The following KLB variants were observed in gnomAD, a reference collection of about 807,000 sequenced individuals.
KLB encodes the protein klotho beta.
Under a neutral mutation model 88.4 loss-of-function variants are expected in KLB, and 44 were observed. The ratio of observed to expected loss-of-function variants is 0.50; its 90% confidence interval spans 0.39 to 0.64. The LOEUF (loss-of-function observed/expected upper bound fraction) is 0.64, where lower values mean the gene tolerates loss of function less well. Ranked by LOEUF, KLB falls within the 30% of genes least tolerant of loss-of-function variation. The pLI is 0.00. For synonymous variants in KLB, 548 were observed against 513.4 expected, an observed-to-expected ratio of 1.07 and a Z score of -0.91; for missense variants, 1,137 against 1,304.8, an observed-to-expected ratio of 0.87 and a Z score of 1.98.
At chr4:39,412,395 C>T (rs1742872461) in intron 1 of KLB, among the ~76,000 whole-genome samples, 1 of 137,946 alleles carries the variant, frequency 7.2e-6, no homozygotes, top group African/African-American at 2.7e-5. Context: ...CCATTAGTGG[C>T]CCCCCCAAGC....
At chr4:39,443,481 A>G (rs1223994234) in intron 3 of KLB, among the ~76,000 whole-genome samples, 3 of 151,892 alleles carry the variant, frequency 2.0e-5, no homozygotes, top group African/African-American at 7.3e-5. Flanking sequence ...TCGATGGCTC[A>G]CACCTGTAAT....
At chr4:39,426,205 T>C (rs1003842918) in intron 1 of KLB, among the ~76,000 whole-genome samples, 4 of 150,278 alleles carry the variant, frequency 2.7e-5, no homozygotes, top group Non-Finnish European at 5.9e-5. Context: ...TGAGCCGAGA[T>C]TGTGACACTG....
chr4:39,424,868 A>T (rs1237189222), intron 1 of KLB, among the ~76,000 whole-genome samples: 1 of 152,000 alleles, frequency 6.6e-6, no homozygotes, highest in Non-Finnish European at 1.5e-5. Flanking sequence ...ACCTCAAGTG[A>T]TCCACCCGCC....
At chr4:39,436,971 A>G (rs1290939714) in intron 2 of KLB, among the ~76,000 whole-genome samples, 1 of 152,092 alleles carries the variant, frequency 6.6e-6, no homozygotes, top group Non-Finnish European at 1.5e-5. Context: ...CAGCCTCCCA[A>G]AGTGCTGGGA....
intron 3 of KLB, among the ~76,000 whole-genome samples, chr4:39,444,583 T>G (rs1743694239): frequency 2.0e-5 from 3 of 152,224 alleles, no homozygotes; most frequent in African/African-American, 4.8e-5. Context: ...AATTAACCTC[T>G]TAGCAGACTA....
intron 2 of KLB, among the ~76,000 whole-genome samples, chr4:39,437,523 G>T (rs540536004): frequency 6.6e-6 from 1 of 152,316 alleles, no homozygotes; most frequent in South Asian, 2.1e-4. Context: ...GTGGGAGTGG[G>T]GGGATCAGGA....
At chr4:39,423,467 T>C (rs1054109131) in intron 1 of KLB, among the ~76,000 whole-genome samples, 1 of 151,848 alleles carries the variant, frequency 6.6e-6, no homozygotes, top group Non-Finnish European at 1.5e-5. Context: ...TAAAACAATA[T>C]GTCAAATGGT....
rs4008368 is a variant in KLB, at chr4:39,430,409, G to GAAAAAAAAAAAAAAAAAAAA, written c.826-3789_826-3788insAAAAAAAAAAAAAAAAAAAA. Among the ~76,000 whole-genome samples the GAAAAAAAAAAAAAAAAAAAA allele has an allele frequency of 1.5e-5, 2 of 134,058 alleles. 1 individual carries two copies. The allele number at this position is 134,058 out of a possible 152,430, so 87.9% of individuals were successfully genotyped here. A position where few individuals can be genotyped will look rare whatever the true frequency, so the allele number is the denominator to read the frequency against. ...TTATGACTGCTTTTGTTTCTAATTAGAAAAAAAAAAAAGCGGTTCTCAAGA... is the reference window on the plus strand; with the variant it reads ...TTATGACTGCTTTTGTTTCTAATTAGAAAAAAAAAAAAAAAAAAAAAAAAAAAAAAAAGCGGTTCTCAAGA... On this transcript the variant is annotated intron_variant, in intron 1 of 4. Transcript: ENST00000257408.
rs1743849612 is a variant in KLB at position 39,449,835 on chromosome 4, G to C, written c.*1149G>C. The C allele has an allele frequency of 6.6e-6, 1 of 152,240 alleles. No individual in the cohort carries two copies. Among genetic ancestry groups the C allele is most frequent in the South Asian group, 2.1e-4 (1 of 4,828 alleles). The allele number at this position is 152,240 out of a possible 1,614,324, so 9.4% of individuals were successfully genotyped here. A position where few individuals can be genotyped will look rare whatever the true frequency, so the allele number is the denominator to read the frequency against. On this transcript the variant is annotated 3_prime_UTR_variant, in exon 5 of 5. Transcript: ENST00000257408. ...AGCTACTCAGGAGGCCGAGGCAGGA[G>C]AATCGCTTGAACCCGAGAGGCAGAG...
rs189589392 is a variant in KLB, at chr4:39,413,100, C to T, written c.825+5326C>T. On this transcript the variant is annotated intron_variant, in intron 1 of 4. Transcript: ENST00000257408. Reference sequence around the variant, plus strand: ...GACCAGGAAGGCCCTTTATTTCAGCCTCTCACGTCCATTTCTTCCTCGGGT... The same window carrying T: ...GACCAGGAAGGCCCTTTATTTCAGCTTCTCACGTCCATTTCTTCCTCGGGT... 5.8e-3 allele frequency among the ~76,000 whole-genome samples: 881 copies of T among 152,264 alleles called. 4 individuals carry two copies. The highest frequency in any genetic ancestry group is 9.5e-3 in the Non-Finnish European group (644 of 68,036).
At chr4:39,440,907 G>C (rs1297313909) in intron 3 of KLB, among the ~76,000 whole-genome samples, 1 of 152,062 alleles carries the variant, frequency 6.6e-6, no homozygotes, top group Non-Finnish European at 1.5e-5. Flanking sequence ...TTCCAGGCTG[G>C]AGTGCAGTGG....
intron 1 of KLB, among the ~76,000 whole-genome samples, chr4:39,422,662 T>C (rs1430457823): frequency 6.6e-6 from 1 of 152,216 alleles, no homozygotes; most frequent in Non-Finnish European, 1.5e-5. Flanking sequence ...TACATTCAGT[T>C]ATGAAAATCA....
chr4:39,407,795 TC>T, intron 1 of KLB, 21 bp downstream of exon 1: 2 of 1,346,482 alleles, frequency 1.5e-6, no homozygotes, highest in Non-Finnish European at 2.0e-6. Flanking sequence ...GCTAGCTTCT[TC>T]TTATAGCTTC....
At chr4:39,432,492 C>T (rs960094996) in intron 1 of KLB, among the ~76,000 whole-genome samples, 1 of 152,130 alleles carries the variant, frequency 6.6e-6, no homozygotes, top group African/African-American at 2.4e-5. Context: ...GTGGCTGTGA[C>T]TGTTAACTCA....
intron 1 of KLB, among the ~76,000 whole-genome samples, chr4:39,423,047 G>A (rs577697227): frequency 4.0e-5 from 6 of 151,836 alleles, no homozygotes; most frequent in South Asian, 2.1e-4. Flanking sequence ...GATTACAGGC[G>A]TGAGCCACCG....
In KLB at chr4:39,450,990, T is replaced by G. The variant is rs1034030167; in HGVS notation, c.*2304T>G. The G allele has an allele frequency of 6.6e-6, 1 of 152,208 alleles. No individual in the cohort carries two copies. The highest frequency in any genetic ancestry group is 1.5e-5 in the Non-Finnish European group (1 of 68,036). 9.4% of individuals were successfully genotyped at this position (152,208 alleles called of 1,614,324 possible). A position where few individuals can be genotyped will look rare whatever the true frequency, so the allele number is the denominator to read the frequency against. On this transcript the variant is annotated 3_prime_UTR_variant, in exon 5 of 5. Transcript: ENST00000257408. ...AGTTCACAAATTAACCTTCACTGTCTCTTTCACATTAAGAGCTTATGCTTA... is the reference window on the plus strand; with the variant it reads ...AGTTCACAAATTAACCTTCACTGTCGCTTTCACATTAAGAGCTTATGCTTA...
intron 1 of KLB, among the ~76,000 whole-genome samples, chr4:39,431,555 G>T (rs1282740388): frequency 6.6e-6 from 1 of 152,134 alleles, no homozygotes; most frequent in Non-Finnish European, 1.5e-5. Flanking sequence ...CCGGCCCGAG[G>T]AAAGCATTCT....
intron 3 of KLB, among the ~76,000 whole-genome samples, chr4:39,439,643 C>T (rs1001888358): frequency 1.3e-5 from 2 of 150,862 alleles, no homozygotes; most frequent in African/African-American, 4.9e-5. Context: ...AGGCACCCGC[C>T]ACCATGCCTG....
At chr4:39,437,590 A>G in intron 2 of KLB, 137 bp from the exon 3 acceptor site, 2 of 986,790 alleles carry the variant, frequency 2.0e-6, no homozygotes, top group Middle Eastern at 2.8e-4. Context: ...TGAATTTTCT[A>G]TTTGATACAG....
Sources: allele counts gnomAD v4.1 joint callset (sites outside exome capture counted in the v4.1 genomes callset), GRCh38; gene constraint gnomAD v4.1.1; transcripts MANE v1.5; gene names NCBI Gene and HGNC (gene_info 2026-07-23, HGNC 2026-07-21).